The following MPHOSPH8 variants were observed in gnomAD, a reference collection of about 807,000 sequenced individuals.
The protein encoded by MPHOSPH8 is M-phase phosphoprotein, mpp.
In MPHOSPH8, 45 loss-of-function variants were observed where a neutral mutation model predicts 87.3. The observed-to-expected ratio is 0.52, with a 90% confidence interval of 0.41 to 0.66. MPHOSPH8 has a LOEUF of 0.66. Ranked by LOEUF, MPHOSPH8 falls within the 30% of genes least tolerant of loss-of-function variation. The pLI is 0.00. For synonymous variants in MPHOSPH8, 366 were observed against 376.9 expected, an observed-to-expected ratio of 0.97 and a Z score of 0.33; for missense variants, 883 against 1,020.2, an observed-to-expected ratio of 0.87 and a Z score of 1.83.
chr13:19,669,442 G>T (rs1037929726), intron 11 of MPHOSPH8, among the ~76,000 whole-genome samples: 4 of 151,660 alleles, frequency 2.6e-5, no homozygotes, highest in African/African-American at 9.7e-5. Flanking sequence ...GTGAACCTGA[G>T]CCCCCACTGA....
chr13:19,635,844 T>C (rs4769031), intron 1 of MPHOSPH8, among the ~76,000 whole-genome samples: 151,080 of 152,280 alleles, frequency 0.99, 74,957 homozygotes, highest in East Asian at 1. Context: ...ATAATTCCCA[T>C]GTGTCAAGGG....
chr13:19,662,803 T>G (rs1875615032), intron 8 of MPHOSPH8, among the ~76,000 whole-genome samples: 1 of 152,190 alleles, frequency 6.6e-6, no homozygotes. Context: ...TATGCAGAGG[T>G]TCTTAGGTTG....
chr13:19,671,058 C>T (rs997090871), intron 12 of MPHOSPH8, 148 bp from the exon 13 acceptor site: 26 of 1,437,684 alleles, frequency 1.8e-5, no homozygotes, highest in African/African-American at 2.9e-5. Context: ...TGGGCTCAAG[C>T]GATTGTCCGC....
Position 19,672,920 on chromosome 13 carries a change from G to A in MPHOSPH8, c.*1045G>A. On this transcript the variant is annotated 3_prime_UTR_variant, in exon 14 of 14. Coordinates refer to ENST00000361479, the MANE Select transcript of MPHOSPH8 (RefSeq NM_017520.4). ...TCAAGACCAGCCTGGGTAACATGGG[G>A]TGGAACAAGCCTGTAGTCCCAGATA... is the stretch of plus-strand genomic sequence containing the variant. 2.7e-6 allele frequency: 1 copy of A among 364,876 alleles called. No homozygotes were observed. Among genetic ancestry groups the A allele is most frequent in the South Asian group, 2.2e-5 (1 of 46,342 alleles). The allele number at this position is 364,876 out of a possible 1,614,324, so 22.6% of individuals were successfully genotyped here.
chr13:19,635,572 A>G (rs1478306580), intron 1 of MPHOSPH8, among the ~76,000 whole-genome samples: 2 of 152,178 alleles, frequency 1.3e-5, no homozygotes, highest in Non-Finnish European at 2.9e-5. Context: ...AATCTTTAGA[A>G]TTAAGATGAT....
At chr13:19,644,290 T>C (rs1029086532) in intron 2 of MPHOSPH8, among the ~76,000 whole-genome samples, 8 of 152,176 alleles carry the variant, frequency 5.3e-5, no homozygotes, top group African/African-American at 1.4e-4. Flanking sequence ...CTGCCCTCTC[T>C]CTCCCTCTAT....
In MPHOSPH8 at chr13:19,633,720, T is replaced by A. The variant is rs761801224; in HGVS notation, c.-29T>A. The stretch of plus-strand genomic sequence containing the variant: ...TGCTGGGGTGTTTGTCGCAGCGGGT[T>A]TTCCTCGGCGGTTTGCGGAGCTGCT... On this transcript the variant is annotated 5_prime_UTR_variant, in exon 1 of 14. Transcript: ENST00000361479. 6.4e-7 allele frequency: 1 copy of A among 1,564,702 alleles called. No homozygotes were observed. Among genetic ancestry groups the A allele is most frequent in the Non-Finnish European group, 8.7e-7 (1 of 1,154,638 alleles).
chr13:19,633,957 AG>A lies in MPHOSPH8; in HGVS notation c.213+1del. The A allele has an allele frequency of 1.2e-6, 2 of 1,606,786 alleles. No homozygotes were observed. The highest frequency in any genetic ancestry group is 1.7e-6 in the Non-Finnish European group (2 of 1,177,368). On this transcript the variant is annotated frameshift_variant, in exon 1 of 14. Transcript: ENST00000361479. LOFTEE classifies it high-confidence loss of function. ...EVEKILDMKT[E>X]GGKVLYKVRW... is the part of the protein sequence containing the mutation. ...GAGAAGATCCTGGACATGAAGACCG[AG>A]GGGGTATGTGGAGGGGCCCCGGCGC...
chr13:19,656,154 C>T lies in MPHOSPH8; in HGVS notation c.1577-2841C>T, dbSNP rs188643939. Reference sequence around the variant, plus strand: ...ATAAACCAGGCAGGATGGCACATACCTGTAGTCCCAGCTACTCAGGAAGCT... The same window carrying T: ...ATAAACCAGGCAGGATGGCACATACTTGTAGTCCCAGCTACTCAGGAAGCT... On this transcript the variant is annotated intron_variant, in intron 5 of 13. Transcript: ENST00000361479. Among the ~76,000 whole-genome samples the T allele has an allele frequency of 1.7e-3, 256 of 151,880 alleles. 1 individual carries two copies. The highest frequency in any genetic ancestry group is 5.8e-3 in the African/African-American group (242 of 41,434).
intron 5 of MPHOSPH8, among the ~76,000 whole-genome samples, chr13:19,651,934 CT>C (rs1350415062): frequency 6.7e-6 from 1 of 149,152 alleles, no homozygotes; most frequent in Non-Finnish European, 1.5e-5. Context: ...CCTGTCTCTA[CT>C]AAAAATACAA....
intron 1 of MPHOSPH8, among the ~76,000 whole-genome samples, chr13:19,636,209 G>A (rs536990564): frequency 5.3e-5 from 8 of 152,290 alleles, no homozygotes; most frequent in African/African-American, 1.4e-4. Context: ...TGAACCAGCC[G>A]GTTGGTTAGC....
chr13:19,669,990 C>A (rs973491691), intron 11 of MPHOSPH8, among the ~76,000 whole-genome samples: 2 of 152,146 alleles, frequency 1.3e-5, no homozygotes, highest in Non-Finnish European at 2.9e-5. Flanking sequence ...GAAAATCATA[C>A]GTAAGTCTTT....
At chr13:19,649,577 A>G (rs574215014) in intron 4 of MPHOSPH8, among the ~76,000 whole-genome samples, 4 of 152,208 alleles carry the variant, frequency 2.6e-5, no homozygotes, top group Non-Finnish European at 5.9e-5. Flanking sequence ...GTACACAGGC[A>G]GTGCTCTGGC....
At chr13:19,641,087 A>G (rs932318642) in intron 1 of MPHOSPH8, among the ~76,000 whole-genome samples, 3 of 152,198 alleles carry the variant, frequency 2.0e-5, no homozygotes, top group Admixed American at 2.0e-4. Context: ...GCTTTATGGA[A>G]TCAGAATAGG....
intron 5 of MPHOSPH8, among the ~76,000 whole-genome samples, chr13:19,655,010 A>G (rs963843981): frequency 1.3e-5 from 2 of 152,110 alleles, no homozygotes; most frequent in African/African-American, 4.8e-5. Context: ...AAAATCCCCC[A>G]CAAAATATTA....
Position 19,648,502 on chromosome 13 carries a change from A to G in MPHOSPH8, c.1299A>G (p.Lys433=). ...HDSDKEEKGR[K]EPKGLKTLKE... ...CTGACAAGGAAGAAAAAGGCAGAAA[A>G]GAGCCAAAAGGATTAAAGAGTGAGT... Residue 433 remains lysine, a synonymous_variant, in exon 4 of 14, where the codon AAA becomes AAG. Transcript: ENST00000361479. 6.3e-7 allele frequency: 1 copy of G among 1,576,778 alleles called. No homozygotes were observed. Among genetic ancestry groups the G allele is most frequent in the East Asian group, 2.4e-5 (1 of 42,382 alleles).
intron 9 of MPHOSPH8, among the ~76,000 whole-genome samples, chr13:19,665,714 G>C (rs1053033443): frequency 2.6e-5 from 4 of 152,228 alleles, no homozygotes; most frequent in Non-Finnish European, 5.9e-5. Context: ...TGCTGCCCCA[G>C]CATCTGCCTC....
intron 7 of MPHOSPH8, 87 bp downstream of exon 7, chr13:19,659,376 A>C: frequency 8.6e-7 from 1 of 1,160,298 alleles, no homozygotes; most frequent in Non-Finnish European, 1.2e-6. Context: ...TATTTTAATT[A>C]CAAAAGGCTG....
In MPHOSPH8 at chr13:19,671,728, A is replaced by T. The variant is rs1252090238; in HGVS notation, c.2542-106A>T. 1.0e-5 allele frequency: 10 copies of T among 986,656 alleles called. No individual in the cohort carries two copies. In the Admixed American group the frequency reaches 2.1e-4, roughly 20 times the overall value. 61.1% of individuals were successfully genotyped at this position (986,656 alleles called of 1,614,324 possible). The stretch of plus-strand genomic sequence containing the variant: ...ATGTAAATTGATAAGCAACTTGAAA[A>T]TATTGCCAAATAATAGAAGCAAATC... On this transcript the variant is annotated intron_variant, in intron 13 of 13. Coordinates refer to ENST00000361479, the MANE Select transcript of MPHOSPH8 (RefSeq NM_017520.4).
Sources: allele counts gnomAD v4.1 joint callset (sites outside exome capture counted in the v4.1 genomes callset), GRCh38; gene constraint gnomAD v4.1.1; transcripts MANE v1.5; gene names NCBI Gene and HGNC (gene_info 2026-07-23, HGNC 2026-07-21).